The following TTN variants were observed in gnomAD, a reference collection of about 807,000 sequenced individuals.
The protein encoded by TTN is titin.
In TTN, 1,525 loss-of-function variants were observed where a neutral mutation model predicts 3,223.0. That is an observed-to-expected ratio of 0.47 (90% confidence interval 0.45 to 0.49). The LOEUF is 0.49. TTN is among the 20% of genes least tolerant of loss of function. The pLI is 0.00. For missense variants in TTN, 40,786 were observed against 43,424.0 expected (o/e 0.94, Z 5.40); for synonymous variants, 14,094 against 15,161.0 (o/e 0.93, Z 5.17).
In TTN at chr2:178,713,106, T is replaced by C; in HGVS notation, c.27028A>G (p.Ser9010Gly). The C allele has an allele frequency of 1.2e-6, 2 of 1,613,606 alleles. No individual in the cohort carries two copies. Among genetic ancestry groups the C allele is most frequent in the Non-Finnish European group, 1.7e-6 (2 of 1,179,634 alleles). Residue 9010 changes from serine to glycine, a missense_variant, in exon 93 of 363, where the codon AGT (serine) becomes GGT (glycine). By Grantham distance (56) the Ser-to-Gly change is moderately conservative (BLOSUM62 0). Transcript: ENST00000589042. The stretch of plus-strand genomic sequence containing the variant: ...TGACCTCTCACAGTCAAAGGAGCAC[T>C]ACATTCATCAGAACCAGCCATATTA... Reference protein sequence around the residue: ...ATNMAGSDECSAPLTVREPPS... With the variant: ...ATNMAGSDECGAPLTVREPPS...
rs796801950 is a variant in TTN at position 178,741,327 on chromosome 2, AC to A, written c.11905del (p.Val3969LeufsTer67). ...CTGCTTGTTTTCTTTGAACCATGTAACAGTAGGGGCAGGCTCTCCAACCACT... is the reference window on the plus strand; with the variant it reads ...CTGCTTGTTTTCTTTGAACCATGTAAAGTAGGGGCAGGCTCTCCAACCACT... ...YTVVGEPAPT[V>X]TWFKENKQLC... is the part of the protein sequence containing the mutation. On this transcript the variant is annotated frameshift_variant, in exon 48 of 363. Transcript: ENST00000589042. LOFTEE classifies it high-confidence loss of function. 1 of 1,613,900 alleles carries A rather than the reference AC, an allele frequency of 6.2e-7. No individual in the cohort carries two copies. Among genetic ancestry groups the A allele is most frequent in the Non-Finnish European group, 8.5e-7 (1 of 1,179,824 alleles).
rs1319240179 is a variant in TTN, at chr2:178,557,788, G to A, written c.87566C>T (p.Ser29189Phe). Residue 29189 changes from serine (S) to phenylalanine (F), a missense_variant, in exon 328 of 363, where the codon TCT (serine) becomes TTT (phenylalanine). By Grantham distance (155) the Ser-to-Phe change is radical (BLOSUM62 -2). Coordinates refer to ENST00000589042, the MANE Select transcript of TTN (RefSeq NM_001267550.2). Reference sequence around the variant, plus strand: ...CATCATGGTTCTTGCAACTGTTGCAGACACTTCAGTCCACACTGCAGTACT... The same window carrying A: ...CATCATGGTTCTTGCAACTGTTGCAAACACTTCAGTCCACACTGCAGTACT... ...ETSTAVWTEVSATVARTMMKV... is the reference protein window; with the variant it reads ...ETSTAVWTEVFATVARTMMKV... 3.1e-6 allele frequency: 5 copies of A among 1,613,938 alleles called. No homozygotes were observed. The South Asian group carries it at 5.5e-5, about 18-fold the overall frequency.
In TTN at chr2:178,580,430, T is replaced by G; in HGVS notation, c.66949A>C (p.Thr22317Pro). ...TTCACATTTTCACAGCGCAAGAAAG[T>G]GTCAAAGTCAGTTGACTTTATGTCC... is the stretch of plus-strand genomic sequence containing the variant. ...GLDIKSTDFDTFLRCENVNKY... is the reference protein window; with the variant it reads ...GLDIKSTDFDPFLRCENVNKY... The change falls in exon 317 of 363, where the codon ACT (threonine) becomes CCT (proline). Residue 22317 changes from threonine to proline, a missense_variant. Coordinates refer to ENST00000589042, the MANE Select transcript of TTN (RefSeq NM_001267550.2). The G allele has an allele frequency of 6.2e-7, 1 of 1,613,284 alleles. No homozygotes were observed. The highest frequency in any genetic ancestry group is 1.7e-4 in the Middle Eastern group (1 of 6,054).
chr2:178,730,655 A>C lies in TTN; in HGVS notation c.17878T>G (p.Ser5960Ala). ...IQWFKDDQEI[S>A]ASEKYKFSFH... ...GAGAATTTGTACTTTTCACTAGCTG[A>C]TATTTCTTGGTCATCTTTGAACCAC... Residue 5960 changes from serine to alanine, a missense_variant, in exon 61 of 363, where the codon TCA becomes GCA. Ser to Ala is a moderately conservative substitution (Grantham distance 99). Transcript: ENST00000589042. 1 of 1,613,646 alleles carries C rather than the reference A, an allele frequency of 6.2e-7. No homozygotes were observed. The highest frequency in any genetic ancestry group is 8.5e-7 in the Non-Finnish European group (1 of 1,179,702).
chr2:178,529,370 T>G, intron 359 of TTN, 151 bp from the exon 360 acceptor site: 1 of 528,440 alleles, frequency 1.9e-6, no homozygotes, highest in East Asian at 3.2e-5. Flanking sequence ...CAGTTCCACT[T>G]TTGGAAAATT....
In TTN at chr2:178,777,921, C is replaced by A. The variant is rs775706300; in HGVS notation, c.4263G>T (p.Arg1421=). ...CAGGAGACATCCTTGCAGGTGACAT[C>A]CGTGCAGGAGACATGCGTATAGGAG... is the stretch of plus-strand genomic sequence containing the variant. ...SRSPIRMSPA[R]MSPARMSPAR... Residue 1421 remains arginine (R), a synonymous_variant, in exon 25 of 363, where the codon CGG becomes CGT. Transcript: ENST00000589042. The A allele has an allele frequency of 6.2e-7, 1 of 1,613,934 alleles. No homozygotes were observed. The highest frequency in any genetic ancestry group is 8.5e-7 in the Non-Finnish European group (1 of 1,179,910).
chr2:178,647,362 T>A lies in TTN; in HGVS notation c.40141+19A>T. 6.5e-7 allele frequency: 1 copy of A among 1,548,524 alleles called. No individual in the cohort carries two copies. The highest frequency in any genetic ancestry group is 8.7e-7 in the Non-Finnish European group (1 of 1,145,846). On this transcript the variant is annotated intron_variant, in intron 214 of 362. Transcript: ENST00000589042. ...AAGACAATTGTCATCTTTCCAAGAT[T>A]TATGGAGAAGCCGTGTACCTTCAGC...
chr2:178,759,745 C>G (rs1179353971), intron 43 of TTN, among the ~76,000 whole-genome samples: 3 of 152,030 alleles, frequency 2.0e-5, no homozygotes, highest in Non-Finnish European at 4.4e-5. Context: ...ATATATGGCA[C>G]AAATAATTGT....
chr2:178,710,587 T>C, intron 98 of TTN, 48 bp downstream of exon 98: 2 of 1,568,232 alleles, frequency 1.3e-6, no homozygotes, highest in Non-Finnish European at 8.7e-7. Context: ...CAGGCTATAC[T>C]ACAAAATGAT....
intron 216 of TTN, among the ~76,000 whole-genome samples, 168 bp from the exon 217 acceptor site, chr2:178,646,198 A>G (rs1292555287): frequency 7.0e-6 from 1 of 142,848 alleles, no homozygotes; most frequent in Non-Finnish European, 1.5e-5. Context: ...TCCAACATAA[A>G]ACACAGAACA....
chr2:178,563,907 T>C lies in TTN; in HGVS notation c.82225A>G (p.Lys27409Glu). ...CAAGAGAGTCGGCTTGTCTCCCTCT[T>C]TTCAATGATGTAATGTGAAATATTA... ...GANISHYIIE[K>E]RETSRLSWTQ... The change falls in exon 326 of 363, where the codon AAG (lysine) becomes GAG (glutamate). Residue 27409 changes from lysine (K) to glutamate (E), a missense_variant. Coordinates refer to ENST00000589042, the MANE Select transcript of TTN (RefSeq NM_001267550.2). The surrounding 1 kb of genome is among the most constrained non-coding windows in gnomAD (Gnocchi z 4.5). The C allele has an allele frequency of 1.2e-6, 2 of 1,613,740 alleles. No homozygotes were observed. The highest frequency in any genetic ancestry group is 8.5e-7 in the Non-Finnish European group (1 of 1,179,738).
Position 178,739,483 on chromosome 2 carries a change from C to A in TTN, c.13750G>T (p.Gly4584Cys), listed in dbSNP as rs2082107012. The change falls in exon 48 of 363, where the codon GGT (glycine) becomes TGT (cysteine). Residue 4584 changes from glycine (G) to cysteine (C), a missense_variant. By Grantham distance (159) the Gly-to-Cys change is radical. Transcript: ENST00000589042. ...EEKEESSSES[G>C]TEEVATVKIQ... ...TTTACTGTAGCAACCTCCTCAGTAC[C>A]ACTTTCAGAGGAAGACTCCTCTTTT... 3.7e-6 allele frequency: 6 copies of A among 1,613,776 alleles called. No individual in the cohort carries two copies. The highest frequency in any genetic ancestry group is 5.1e-6 in the Non-Finnish European group (6 of 1,179,834).
chr2:178,634,389 G>T lies in TTN; in HGVS notation c.42392C>A (p.Thr14131Asn). 1 of 1,609,096 alleles carries T rather than the reference G, an allele frequency of 6.2e-7. No individual in the cohort carries two copies. Among genetic ancestry groups the T allele is most frequent in the Non-Finnish European group, 8.5e-7 (1 of 1,178,664 alleles). ...VYTAEVEGKKTSARLFVTGIR... is the reference protein window; with the variant it reads ...VYTAEVEGKKNSARLFVTGIR... ...ACCTGTGACAAACAACCGAGCTGAG[G>T]TCTTCTTGCCCTCCACCTCAGCAGT... Residue 14131 changes from threonine to asparagine, a missense_variant, in exon 230 of 363, where the codon ACC becomes AAC. Transcript: ENST00000589042. This position sits in a 1 kb window ranked among gnomAD's most constrained non-coding sequence, Gnocchi z 4.6.
Position 178,722,066 on chromosome 2 carries a change from C to T in TTN, c.22597G>A (p.Asp7533Asn), listed in dbSNP as rs371762361. Residue 7533 changes from aspartate to asparagine, a missense_variant, in exon 78 of 363, where the codon GAT becomes AAT. By Grantham distance (23) the Asp-to-Asn change is conservative (BLOSUM62 1). Transcript: ENST00000589042. ...SIDVIAGESADFECHVTGAQP... is the reference protein window; with the variant it reads ...SIDVIAGESANFECHVTGAQP... ...GCACCAGTAACATGACACTCAAAAT[C>T]AGCACTTTCTCCAGCAATAACATCT... is the stretch of plus-strand genomic sequence containing the variant. 1 of 1,611,674 alleles carries T rather than the reference C, an allele frequency of 6.2e-7. No individual in the cohort carries two copies. Among genetic ancestry groups the T allele is most frequent in the Non-Finnish European group, 8.5e-7 (1 of 1,178,708 alleles).
chr2:178,647,191 T>A (rs1458886527), intron 214 of TTN, 47 bp from the exon 215 acceptor site: 1 of 1,198,530 alleles, frequency 8.3e-7, no homozygotes. Flanking sequence ...TAGAACAGAA[T>A]ACTGCAACTA....
rs1264580282 is a variant in TTN at position 178,561,357 on chromosome 2, G to A, written c.84775C>T (p.Pro28259Ser). ...TTTCTTGTGATATTTGTGACTTCAG[G>A]TTGTCCAGGAGGGTCACAAGGATCT... Reference protein sequence around the residue: ...ARDPCDPPGQPEVTNITRKSV... With the variant: ...ARDPCDPPGQSEVTNITRKSV... Residue 28259 changes from proline to serine, a missense_variant, in exon 326 of 363, where the codon CCT (proline) becomes TCT (serine). Pro to Ser is a moderately conservative substitution (Grantham distance 74). Coordinates refer to ENST00000589042, the MANE Select transcript of TTN (RefSeq NM_001267550.2). 1 of 1,613,734 alleles carries A rather than the reference G, an allele frequency of 6.2e-7. No homozygotes were observed. The highest frequency in any genetic ancestry group is 1.7e-5 in the Admixed American group (1 of 59,996).
Position 178,527,725 on chromosome 2 carries a change from C to T in TTN, c.107401G>A (p.Glu35801Lys). The change falls in exon 362 of 363, where the codon GAG becomes AAG. Residue 35801 changes from glutamate to lysine, a missense_variant. Physicochemically the swap from Glu to Lys is moderately conservative, Grantham distance 56. Transcript: ENST00000589042. ...VLPLVEEPSREVVLRTSGDTS... is the reference protein window; with the variant it reads ...VLPLVEEPSRKVVLRTSGDTS... Reference sequence around the variant, plus strand: ...TCACCACTTGTTCTCAATACTACCTCTCTGGAAGGTTCTTCAACTAGAGCT... The same window carrying T: ...TCACCACTTGTTCTCAATACTACCTTTCTGGAAGGTTCTTCAACTAGAGCT... 6.2e-7 allele frequency: 1 copy of T among 1,603,822 alleles called. No individual in the cohort carries two copies. Among genetic ancestry groups the T allele is most frequent in the Non-Finnish European group, 8.5e-7 (1 of 1,173,152 alleles).
rs267599029 is a variant in TTN, at chr2:178,551,984, C to T, written c.90916G>A (p.Gly30306Arg). 21 of 1,611,708 alleles carry T rather than the reference C, an allele frequency of 1.3e-5. No individual in the cohort carries two copies. The highest frequency in any genetic ancestry group is 4.4e-5 in the South Asian group (4 of 90,990). ...QFRVRAENRY[G>R]VSQPLVSSII... ...CTTGAGACAAGTGGTTGGCTGACTCCGTATCTGTTTTCTGCTCTCACTCTA... is the reference window on the plus strand; with the variant it reads ...CTTGAGACAAGTGGTTGGCTGACTCTGTATCTGTTTTCTGCTCTCACTCTA... Residue 30306 changes from glycine (G) to arginine (R), a missense_variant, in exon 335 of 363, where the codon GGA (glycine) becomes AGA (arginine). Transcript: ENST00000589042.
At position 178,734,317 on chromosome 2, in the gene TTN, C is replaced by T; in HGVS notation, c.15496+11G>A. 1 of 1,553,492 alleles carries T rather than the reference C, an allele frequency of 6.4e-7. No individual in the cohort carries two copies. ...ATTTATTAAAGAGACATTAGTTTTT[C>T]AAGCACTAACCTTTGAGTAAGTGGG... On this transcript the variant is annotated intron_variant, in intron 52 of 362. Coordinates refer to ENST00000589042, the MANE Select transcript of TTN (RefSeq NM_001267550.2).
Sources: allele counts gnomAD v4.1 joint callset (sites outside exome capture counted in the v4.1 genomes callset), GRCh38; gene constraint gnomAD v4.1.1; non-coding constraint Gnocchi (gnomAD v3.1); transcripts MANE v1.5; gene names NCBI Gene and HGNC (gene_info 2026-07-23, HGNC 2026-07-21).